The following WDPCP variants were observed in gnomAD, a reference collection of about 807,000 sequenced individuals.
The protein encoded by WDPCP is WD repeat containing planar cell polarity effector.
WDPCP carries 71 observed loss-of-function variants against 93.1 expected under a neutral mutation model. The observed-to-expected ratio is 0.76, with a 90% CI of 0.63 to 0.93. WDPCP has a LOEUF of 0.93. WDPCP is among the 40% of genes least tolerant of loss of function. The pLI is 0.00. For synonymous variants in WDPCP, 315 were observed against 315.0 expected (o/e 1.00, Z 0.00); for missense variants, 844 against 887.4 (o/e 0.95, Z 0.62).
At chr2:63,604,620 G>A (rs1386239576) in intron 3 of WDPCP, 5 of 1,103,078 alleles carry the variant, frequency 4.5e-6, no homozygotes, top group Non-Finnish European at 6.5e-6. Context: ...TTATTTAAGG[G>A]CATTTGTCAA....
intron 7 of WDPCP, chr2:63,437,972 CAG>C: frequency 6.9e-7 from 1 of 1,452,036 alleles, no homozygotes; most frequent in Non-Finnish European, 9.1e-7. Flanking sequence ...GGATACTGAT[CAG>C]TGTTCTCTAC....
chr2:63,564,828 A>G lies in WDPCP; in HGVS notation c.75+23369T>C, dbSNP rs1241980870. ...AGTCTTGCTCTGTCGCCCAGGTTGG[A>G]GTGCAGTGGCACGATCTTGGCTCAC... On this transcript the variant is annotated intron_variant, in intron 1 of 17. Transcript: ENST00000272321. Among the ~76,000 whole-genome samples the G allele has an allele frequency of 2.8e-5, 4 of 142,230 alleles. No individual in the cohort carries two copies. In the East Asian group the frequency reaches 8.2e-4, roughly 29 times the overall value. The allele number at this position is 142,230 out of a possible 152,430, so 93.3% of individuals were successfully genotyped here. A position where few individuals can be genotyped will look rare whatever the true frequency, so the allele number is the denominator to read the frequency against.
intron 12 of WDPCP, among the ~76,000 whole-genome samples, chr2:63,324,213 CTT>C (rs1337285260): frequency 6.6e-6 from 1 of 152,082 alleles, no homozygotes; most frequent in Admixed American, 6.6e-5. Flanking sequence ...TGTCCAAACT[CTT>C]TTCATTGAAG....
upstream of WDPCP, among the ~76,000 whole-genome samples, chr2:63,592,481 G>A (rs1709218864): frequency 6.6e-6 from 1 of 152,060 alleles, no homozygotes; most frequent in African/African-American, 2.4e-5. Context: ...CTCCTGAGTG[G>A]CTGGAACTAC....
At chr2:63,486,650 G>T in intron 3 of WDPCP, 64 bp from the exon 4 acceptor site, 1 of 1,354,000 alleles carries the variant, frequency 7.4e-7, no homozygotes. Flanking sequence ...TTATTATAAT[G>T]CCTTGTATTT....
intron 1 of WDPCP, among the ~76,000 whole-genome samples, chr2:63,824,773 T>C (rs1671087758): frequency 2.0e-5 from 3 of 151,998 alleles, no homozygotes; most frequent in Non-Finnish European, 4.4e-5. Flanking sequence ...TCAATTGATA[T>C]AAGGTTTTTG....
At chr2:63,541,827 T>C (rs1704757746) in intron 1 of WDPCP, among the ~76,000 whole-genome samples, 1 of 152,134 alleles carries the variant, frequency 6.6e-6, no homozygotes, top group Non-Finnish European at 1.5e-5. Flanking sequence ...ATCATAGCAA[T>C]CCCATTACCT....
intron 12 of WDPCP, among the ~76,000 whole-genome samples, chr2:63,336,312 T>C (rs923964711): frequency 1.3e-5 from 2 of 152,200 alleles, no homozygotes; most frequent in Admixed American, 6.5e-5. Context: ...TTTGCAAATA[T>C]AGTTTTTCTA....
chr2:63,572,519 A>G (rs185616607), intron 1 of WDPCP, among the ~76,000 whole-genome samples: 1,983 of 151,882 alleles, frequency 0.013, 56 homozygotes, highest in African/African-American at 0.046. Context: ...CCTGGTCAAC[A>G]TGGCAAAACC....
At chr2:63,452,721 T>C (rs930701764) in intron 6 of WDPCP, among the ~76,000 whole-genome samples, 3 of 152,028 alleles carry the variant, frequency 2.0e-5, no homozygotes, top group East Asian at 1.9e-4. Flanking sequence ...ACCAAAACAG[T>C]ATGGTACTGG....
intron 14 of WDPCP, among the ~76,000 whole-genome samples, chr2:63,190,881 T>C (rs1229016667): frequency 6.6e-6 from 1 of 152,122 alleles, no homozygotes; most frequent in African/African-American, 2.4e-5. Flanking sequence ...ATAATCACCT[T>C]TGTGTTCAGT....
At position 63,448,733 on chromosome 2, in the gene WDPCP, C is replaced by T. The variant is rs567434423; in HGVS notation, c.385-8862G>A. Reference sequence around the variant, plus strand: ...TGAGAACATGGATGAACCTGTGGGACATTATGCTAAGGGAAATAAGCTAGG... The same window carrying T: ...TGAGAACATGGATGAACCTGTGGGATATTATGCTAAGGGAAATAAGCTAGG... On this transcript the variant is annotated intron_variant, in intron 6 of 17. Coordinates refer to ENST00000272321, the MANE Select transcript of WDPCP (RefSeq NM_015910.7). 7.9e-5 allele frequency among the ~76,000 whole-genome samples: 12 copies of T among 152,212 alleles called. 1 individual carries two copies. The South Asian group carries it at 2.5e-3, about 32-fold the overall frequency.
Position 63,283,777 on chromosome 2 carries a change from A to G in WDPCP, c.1813-24368T>C, listed in dbSNP as rs1205473793. 3.9e-5 allele frequency among the ~76,000 whole-genome samples: 6 copies of G among 152,318 alleles called. No homozygotes were observed. In the East Asian group the frequency reaches 1.2e-3, roughly 29 times the overall value. On this transcript the variant is annotated intron_variant, in intron 13 of 17. Coordinates refer to ENST00000272321, the MANE Select transcript of WDPCP (RefSeq NM_015910.7). ...TGTGACTTTTTGTCTGTAATTCCGT[A>G]TCACTGGCACTAAGGTTCTAAACAG...
At chr2:63,703,509 G>A (rs1225881271) in intron 2 of WDPCP, among the ~76,000 whole-genome samples, 2 of 152,088 alleles carry the variant, frequency 1.3e-5, no homozygotes, top group African/African-American at 2.4e-5. Context: ...TTTTGGCTGC[G>A]TAAATGTCTT....
chr2:63,628,955 A>C (rs1458268241), intron 3 of WDPCP, among the ~76,000 whole-genome samples: 1 of 152,184 alleles, frequency 6.6e-6, no homozygotes, highest in Non-Finnish European at 1.5e-5. Flanking sequence ...AAAACAAAAC[A>C]ACAACCACCC....
At chr2:63,136,532 A>G (rs1307167863) in intron 17 of WDPCP, among the ~76,000 whole-genome samples, 2 of 152,190 alleles carry the variant, frequency 1.3e-5, no homozygotes, top group African/African-American at 4.8e-5. Context: ...AAAGGAGTAT[A>G]AACAAATATT....
intron 14 of WDPCP, among the ~76,000 whole-genome samples, chr2:63,185,085 T>C (rs1674521285): frequency 6.6e-6 from 1 of 152,224 alleles, no homozygotes; most frequent in Non-Finnish European, 1.5e-5. Context: ...AAAAAACTGG[T>C]GAAGTTCTCC....
intron 3 of WDPCP, among the ~76,000 whole-genome samples, chr2:63,612,522 G>A (rs1709624496): frequency 1.3e-5 from 2 of 152,250 alleles, no homozygotes; most frequent in Admixed American, 6.5e-5. Context: ...CTCTCTCCTA[G>A]GGAAGTTTCA....
chr2:63,634,817 T>C (rs1247100636), intron 3 of WDPCP, among the ~76,000 whole-genome samples: 1 of 152,064 alleles, frequency 6.6e-6, no homozygotes, highest in Admixed American at 6.6e-5. Flanking sequence ...CCTAATGTTA[T>C]ACCTTAAGGA....
Sources: allele counts gnomAD v4.1 joint callset (sites outside exome capture counted in the v4.1 genomes callset), GRCh38; gene constraint gnomAD v4.1.1; transcripts MANE v1.5; gene names NCBI Gene and HGNC (gene_info 2026-07-23, HGNC 2026-07-21).